The following KIAA0513 variants were observed in gnomAD, a reference collection of about 807,000 sequenced individuals.
KIAA0513 encodes the protein uncharacterized protein KIAA0513.
KIAA0513 carries 39 observed loss-of-function variants against 56.5 expected under a neutral mutation model. That is an observed-to-expected ratio of 0.69 (90% CI 0.53 to 0.90). The LOEUF is 0.90. Ranked by LOEUF, KIAA0513 falls within the 40% of genes least tolerant of loss-of-function variation. KIAA0513 has a pLI of 0.00. For missense variants in KIAA0513, 591 were observed against 535.2 expected (o/e 1.10, Z -1.03); for synonymous variants, 268 against 215.6 (o/e 1.24, Z -2.13).
intron 1 of KIAA0513, among the ~76,000 whole-genome samples, chr16:85,046,965 A>G (rs1308065002): frequency 6.6e-6 from 1 of 152,088 alleles, no homozygotes; most frequent in African/African-American, 2.4e-5. Context: ...ATGCGAGTTG[A>G]GGATATTCAC....
At chr16:85,054,377 T>C (rs1303918338) in intron 1 of KIAA0513, among the ~76,000 whole-genome samples, 1 of 151,972 alleles carries the variant, frequency 6.6e-6, no homozygotes, top group African/African-American at 2.4e-5. Context: ...TGAAGTTATC[T>C]CAGTGCCATT....
intron 1 of KIAA0513, among the ~76,000 whole-genome samples, chr16:85,045,217 C>T (rs1395954439): frequency 1.3e-5 from 2 of 152,212 alleles, no homozygotes; most frequent in African/African-American, 4.8e-5. Context: ...CATCTCTGTG[C>T]TGTGAAAGAG....
chr16:85,032,076 T>G (rs2072972877), intron 1 of KIAA0513, among the ~76,000 whole-genome samples: 1 of 152,144 alleles, frequency 6.6e-6, no homozygotes, highest in Admixed American at 6.6e-5. Context: ...AAGTCCAAAA[T>G]TAAGGTGTCG....
chr16:85,062,318 G>T (rs577499733), intron 1 of KIAA0513, among the ~76,000 whole-genome samples: 6 of 152,270 alleles, frequency 3.9e-5, no homozygotes, highest in East Asian at 1.9e-4. Flanking sequence ...CATGTGTGAA[G>T]AATGACTGGA....
chr16:85,060,978 A>T (rs1274762593), intron 1 of KIAA0513, among the ~76,000 whole-genome samples: 1 of 152,000 alleles, frequency 6.6e-6, no homozygotes, highest in African/African-American at 2.4e-5. Flanking sequence ...ACATGGTGAA[A>T]CCCCATCTCT....
In KIAA0513 at chr16:85,093,308, A is replaced by G. The variant is rs2144134495; in HGVS notation, c.*4983A>G. ...ACTGTTGGAAAGGGAAAAATTCACC[A>G]TATCCAAGGGGAGAGACGATGGGCT... is the stretch of plus-strand genomic sequence containing the variant. On this transcript the variant is annotated 3_prime_UTR_variant, in exon 13 of 13. Coordinates refer to ENST00000683363, the MANE Select transcript of KIAA0513 (RefSeq NM_001388359.1). 6.6e-6 allele frequency: 1 copy of G among 152,256 alleles called. No homozygotes were observed. The highest frequency in any genetic ancestry group is 1.9e-4 in the East Asian group (1 of 5,180). 9.4% of individuals were successfully genotyped at this position (152,256 alleles called of 1,614,324 possible). A position where few individuals can be genotyped will look rare whatever the true frequency, so the allele number is the denominator to read the frequency against.
intron 1 of KIAA0513, among the ~76,000 whole-genome samples, chr16:85,037,622 G>A (rs1597589660): frequency 6.6e-6 from 1 of 152,138 alleles, no homozygotes; most frequent in Non-Finnish European, 1.5e-5. Context: ...AGTCTAATCC[G>A]CACTCTATTC....
At chr16:85,064,650 T>C (rs2073452894) in intron 1 of KIAA0513, among the ~76,000 whole-genome samples, 1 of 152,218 alleles carries the variant, frequency 6.6e-6, no homozygotes, top group African/African-American at 2.4e-5. Context: ...TGGTTATTAG[T>C]ATGGGTTGAA....
In KIAA0513 at chr16:85,093,040, G is replaced by A. The variant is rs1345004131; in HGVS notation, c.*4715G>A. 5 of 152,350 alleles carry A rather than the reference G, an allele frequency of 3.3e-5. No individual in the cohort carries two copies. Among genetic ancestry groups the A allele is most frequent in the African/African-American group, 1.2e-4 (5 of 41,448 alleles). 9.4% of individuals were successfully genotyped at this position (152,350 alleles called of 1,614,324 possible). A position where few individuals can be genotyped will look rare whatever the true frequency, so the allele number is the denominator to read the frequency against. ...TGGGTATCACATGCTCTCCAGGAAA[G>A]GGACGGAATCAATCCTGTGACCGAT... On this transcript the variant is annotated 3_prime_UTR_variant, in exon 13 of 13. Coordinates refer to ENST00000683363, the MANE Select transcript of KIAA0513 (RefSeq NM_001388359.1).
In KIAA0513 at chr16:85,073,143, A is replaced by G. The variant is rs140841092; in HGVS notation, c.503+145A>G. 2.1e-4 allele frequency: 156 copies of G among 733,332 alleles called. 3 individuals carry two copies. Among genetic ancestry groups the G allele is most frequent in the Middle Eastern group, 1.5e-3 (4 of 2,652 alleles). The allele number at this position is 733,332 out of a possible 1,614,324, so 45.4% of individuals were successfully genotyped here. A position where few individuals can be genotyped will look rare whatever the true frequency, so the allele number is the denominator to read the frequency against. On this transcript the variant is annotated intron_variant, in intron 4 of 12. Coordinates refer to ENST00000683363, the MANE Select transcript of KIAA0513 (RefSeq NM_001388359.1). ...TTGCAGTTGCTCTGCTACGCCCAGC[A>G]TTCAGCTAAAAGGCACAGTCGTGAC... is the stretch of plus-strand genomic sequence containing the variant.
chr16:85,037,857 C>G (rs2143852314), intron 1 of KIAA0513, among the ~76,000 whole-genome samples: 1 of 152,316 alleles, frequency 6.6e-6, no homozygotes, highest in South Asian at 2.1e-4. Flanking sequence ...CCAGGGAACC[C>G]TCCCAAGTGA....
chr16:85,083,698 C>T (rs2073775017), intron 10 of KIAA0513, among the ~76,000 whole-genome samples: 1 of 152,168 alleles, frequency 6.6e-6, no homozygotes, highest in Non-Finnish European at 1.5e-5. Context: ...CTTTGACCAC[C>T]CATAGCTCTG....
chr16:85,061,632 C>T (rs1299099506), intron 1 of KIAA0513, among the ~76,000 whole-genome samples: 1 of 152,216 alleles, frequency 6.6e-6, no homozygotes, highest in African/African-American at 2.4e-5. Context: ...ATTCTCCCTG[C>T]AGGGAGCTCT....
At chr16:85,030,339 A>G (rs547932738) in intron 1 of KIAA0513, among the ~76,000 whole-genome samples, 1 of 152,282 alleles carries the variant, frequency 6.6e-6, no homozygotes, top group African/African-American at 2.4e-5. Flanking sequence ...CCCCCACCCA[A>G]AAGAGAAATG....
chr16:85,035,223 TC>T (rs1459303939), intron 1 of KIAA0513, among the ~76,000 whole-genome samples: 1 of 152,142 alleles, frequency 6.6e-6, no homozygotes, highest in Non-Finnish European at 1.5e-5. Context: ...CGCTGCCTGT[TC>T]CTCTCTGAGC....
At position 85,067,016 on chromosome 16, in the gene KIAA0513, GCTCCCCTCTAGGCAGC is replaced by G. The variant is rs1199513496; in HGVS notation, c.-47_-32del. ...CGCACCTGGGACACCAGGCTGCTGG[GCTCCCCTCTAGGCAGC>G]CTCCCCTCCAGGCAGCCTCACCAGC... On this transcript the variant is annotated 5_prime_UTR_variant, in exon 2 of 13. Coordinates refer to ENST00000683363, the MANE Select transcript of KIAA0513 (RefSeq NM_001388359.1). 6.9e-7 allele frequency: 1 copy of G among 1,454,686 alleles called. No individual in the cohort carries two copies. Among genetic ancestry groups the G allele is most frequent in the Non-Finnish European group, 9.2e-7 (1 of 1,091,748 alleles). The allele number at this position is 1,454,686 out of a possible 1,614,324, so 90.1% of individuals were successfully genotyped here. A position where few individuals can be genotyped will look rare whatever the true frequency, so the allele number is the denominator to read the frequency against.
intron 1 of KIAA0513, among the ~76,000 whole-genome samples, chr16:85,058,741 A>G (rs539969751): frequency 6.6e-6 from 1 of 152,316 alleles, no homozygotes; most frequent in African/African-American, 2.4e-5. Flanking sequence ...TACCTTTTAT[A>G]GATCTTGTTA....
chr16:85,055,678 C>G lies in KIAA0513; in HGVS notation c.-172-11222C>G, dbSNP rs140218139. 6.2e-3 allele frequency among the ~76,000 whole-genome samples: 951 copies of G among 152,274 alleles called. 11 individuals carry two copies. Among genetic ancestry groups the G allele is most frequent in the South Asian group, 0.029 (140 of 4,822 alleles). On this transcript the variant is annotated intron_variant, in intron 1 of 12. Coordinates refer to ENST00000683363, the MANE Select transcript of KIAA0513 (RefSeq NM_001388359.1). ...TCTAGACACCTACTGACATGGATAT[C>G]TTACTTAATCTGTTGCACAGAATCC...
intron 1 of KIAA0513, among the ~76,000 whole-genome samples, chr16:85,046,820 C>G (rs193179398): frequency 1.3e-5 from 2 of 152,198 alleles, no homozygotes; most frequent in Admixed American, 1.3e-4. Context: ...TTTCCTGAGA[C>G]TTCTCATCAT....
Sources: allele counts gnomAD v4.1 joint callset (sites outside exome capture counted in the v4.1 genomes callset), GRCh38; gene constraint gnomAD v4.1.1; transcripts MANE v1.5; gene names NCBI Gene and HGNC (gene_info 2026-07-23, HGNC 2026-07-21).